The following PPP1R8 variants were observed in gnomAD, a reference collection of about 807,000 sequenced individuals.
The protein encoded by PPP1R8 is nuclear inhibitor of protein phosphatase 1.
Under a neutral mutation model 31.3 loss-of-function variants are expected in PPP1R8, and 4 were observed. The observed-to-expected ratio is 0.13, with a 90% CI of 0.06 to 0.29. The LOEUF (loss-of-function observed/expected upper bound fraction) is 0.29. Among genes scored for constraint, PPP1R8 ranks in the 10% least tolerant of loss-of-function variants. The pLI, the probability that PPP1R8 is intolerant of heterozygous loss-of-function variation, is 1.00. For synonymous variants in PPP1R8, 170 were observed against 169.7 expected, an observed-to-expected ratio of 1.00 and a Z score of -0.01; for missense variants, 254 against 440.1, an observed-to-expected ratio of 0.58 and a Z score of 3.78.
intron 4 of PPP1R8, among the ~76,000 whole-genome samples, chr1:27,842,361 G>A (rs10399874): frequency 0.086 from 12,598 of 146,340 alleles, 1,815 homozygotes; most frequent in African/African-American, 0.3. Context: ...AAAAAAAAAA[G>A]AGAAATTTTA....
At chr1:27,846,316 C>G (rs1392314883) in intron 5 of PPP1R8, among the ~76,000 whole-genome samples, 1 of 152,256 alleles carries the variant, frequency 6.6e-6, no homozygotes, top group Non-Finnish European at 1.5e-5. Context: ...CCCCTCTGTG[C>G]TCCAGAAACA....
chr1:27,832,482 C>T (rs2089120145), intron 1 of PPP1R8, among the ~76,000 whole-genome samples: 1 of 152,194 alleles, frequency 6.6e-6, no homozygotes, highest in Admixed American at 6.5e-5. Flanking sequence ...GCAGTTCTTT[C>T]TCTGAGGTGA....
intron 2 of PPP1R8, among the ~76,000 whole-genome samples, chr1:27,835,110 C>A (rs1434558712): frequency 1.3e-5 from 2 of 150,366 alleles, no homozygotes; most frequent in Non-Finnish European, 3.0e-5. Flanking sequence ...CTTTTTTTTT[C>A]CTCTCAAAGA....
At chr1:27,850,037 C>A in intron 6 of PPP1R8, 56 bp from the exon 7 acceptor site, 1 of 1,469,230 alleles carries the variant, frequency 6.8e-7, no homozygotes, top group Middle Eastern at 2.0e-4. Context: ...CACTCTTGGG[C>A]CTCACCTCTT....
chr1:27,848,390 G>A (rs1265934690), intron 6 of PPP1R8, among the ~76,000 whole-genome samples: 1 of 152,080 alleles, frequency 6.6e-6, no homozygotes, highest in African/African-American at 2.4e-5. Context: ...GGTCGTCAGC[G>A]AGACTCCATC....
chr1:27,839,441 C>G (rs2089201933), intron 3 of PPP1R8, among the ~76,000 whole-genome samples: 1 of 151,946 alleles, frequency 6.6e-6, no homozygotes, highest in African/African-American at 2.4e-5. Flanking sequence ...GGCAGGAGAA[C>G]CGCTTGAACC....
chr1:27,831,006 TG>T, intron 1 of PPP1R8, 115 bp downstream of exon 1: 1 of 1,428,680 alleles, frequency 7.0e-7, no homozygotes, highest in East Asian at 2.7e-5. Context: ...AACCCCGGAA[TG>T]GTTGAGGAAA....
At chr1:27,842,352 A>AG (rs1261178376) in intron 4 of PPP1R8, among the ~76,000 whole-genome samples, 1 of 151,982 alleles carries the variant, frequency 6.6e-6, no homozygotes. Flanking sequence ...CAAAAAAAAA[A>AG]AAAAAAAAGA....
chr1:27,834,268 T>G (rs1351028795), intron 2 of PPP1R8: 1 of 358,946 alleles, frequency 2.8e-6, no homozygotes, highest in African/African-American at 2.1e-5. Flanking sequence ...GTCTATTAGC[T>G]GATAACGTTC....
intron 6 of PPP1R8, 123 bp from the exon 7 acceptor site, chr1:27,849,970 A>G: frequency 3.5e-6 from 3 of 847,378 alleles, no homozygotes; most frequent in Non-Finnish European, 5.6e-6. Flanking sequence ...AACAGGCTAG[A>G]AGTTAGGAAT....
At position 27,841,120 on chromosome 1, in the gene PPP1R8, G is replaced by T. The variant is rs2148617425; in HGVS notation, c.378G>T (p.Leu126=). 1.2e-6 allele frequency: 2 copies of T among 1,614,190 alleles called. No homozygotes were observed. The change falls in exon 4 of 7, where the codon CTG becomes CTT. Residue 126 remains leucine (L), a synonymous_variant. Coordinates refer to ENST00000311772, the MANE Select transcript of PPP1R8 (RefSeq NM_014110.5). ...SFGASTRAYT[L]REKPQTLPSA... ...GCGCATCCACAAGGGCATACACTCT[G>T]CGCGAGAAGCCTCAGACATTGCCAT... is the stretch of plus-strand genomic sequence containing the variant.
chr1:27,839,527 C>CA (rs1465154315), intron 3 of PPP1R8, among the ~76,000 whole-genome samples: 1 of 151,806 alleles, frequency 6.6e-6, no homozygotes, highest in Non-Finnish European at 1.5e-5. Context: ...GATTCTGTCT[C>CA]AAAAAAATAA....
intron 6 of PPP1R8, among the ~76,000 whole-genome samples, chr1:27,847,702 G>A (rs1008053579): frequency 6.6e-5 from 10 of 152,020 alleles, no homozygotes; most frequent in Non-Finnish European, 1.2e-4. Flanking sequence ...CTGCACTCCA[G>A]CCTGGTGACA....
rs1267835902 is a variant in PPP1R8, at chr1:27,841,191, T to C, written c.449T>C (p.Leu150Pro). The C allele has an allele frequency of 6.2e-7, 1 of 1,614,116 alleles. No individual in the cohort carries two copies. Among genetic ancestry groups the C allele is most frequent in the Admixed American group, 1.7e-5 (1 of 60,006 alleles). Residue 150 changes from leucine (L) to proline (P), a missense_variant, in exon 4 of 7, where the codon CTC (leucine) becomes CCC (proline). Leu to Pro is a moderately conservative substitution (Grantham distance 98, BLOSUM62 -3). Around this residue, in one of 6 missense-constraint regions of PPP1R8, gnomAD observed 27 missense variants for 26.7 expected, o/e 1.01. Transcript: ENST00000311772. ...AAGATGGGTGGAGAGGATGATGAACTCAAGGGCTTACTGGGGCTTCCAGAG... is the reference window on the plus strand; with the variant it reads ...AAGATGGGTGGAGAGGATGATGAACCCAAGGGCTTACTGGGGCTTCCAGAG... ...DEKMGGEDDE[L>P]KGLLGLPEEE... is the part of the protein sequence containing the mutation.
chr1:27,842,441 C>T (rs1466917577), intron 4 of PPP1R8, among the ~76,000 whole-genome samples: 1 of 152,102 alleles, frequency 6.6e-6, no homozygotes, highest in African/African-American at 2.4e-5. Context: ...CCCATTTCCC[C>T]TTTAGGCCAC....
At position 27,839,516 on chromosome 1, in the gene PPP1R8, A is replaced by G. The variant is rs922363507; in HGVS notation, c.271+664A>G. Reference sequence around the variant, plus strand: ...GCACTCTAGCCTGGGCAACACAGCAAGATTCTGTCTCAAAAAAATAAAGAA... The same window carrying G: ...GCACTCTAGCCTGGGCAACACAGCAGGATTCTGTCTCAAAAAAATAAAGAA... On this transcript the variant is annotated intron_variant, in intron 3 of 6. Transcript: ENST00000311772. Among the ~76,000 whole-genome samples the G allele has an allele frequency of 2.8e-4, 43 of 152,168 alleles. 1 individual carries two copies. Among genetic ancestry groups the G allele is most frequent in the African/African-American group, 9.9e-4 (41 of 41,426 alleles).
rs530733539 is a variant in PPP1R8 at position 27,830,899 on chromosome 1, G to A, written c.56+8G>A. 104 of 1,564,158 alleles carry A rather than the reference G, an allele frequency of 6.6e-5. No individual in the cohort carries two copies. In the East Asian group the frequency reaches 2.4e-3, roughly 36 times the overall value. ...GTTCGACTGCCCAACCTGGTGAGTG[G>A]CGGGGCGGCCAGGGCTAGAGTGGCC... On this transcript the variant is annotated splice_region_variant and intron_variant, in intron 1 of 6. Coordinates refer to ENST00000311772, the MANE Select transcript of PPP1R8 (RefSeq NM_014110.5).
intron 3 of PPP1R8, among the ~76,000 whole-genome samples, chr1:27,839,823 C>T (rs914928008): frequency 2.6e-5 from 4 of 152,084 alleles, no homozygotes; most frequent in Non-Finnish European, 5.9e-5. Context: ...CTTTGGGAGG[C>T]CGATGTCAGT....
intron 5 of PPP1R8, 119 bp downstream of exon 5, chr1:27,843,449 G>A (rs912994841): frequency 1.6e-5 from 20 of 1,262,846 alleles, no homozygotes; most frequent in Non-Finnish European, 2.3e-5. Flanking sequence ...TTAAGGTCAA[G>A]AGTTCAAGAC....
Sources: gnomAD v4.1 joint callset for allele counts (sites outside exome capture counted in the v4.1 genomes callset) on GRCh38, gnomAD v4.1.1 for gene constraint, gnomAD v4.1.1 regional missense constraint, MANE v1.5 for transcripts, NCBI Gene and HGNC (gene_info 2026-07-23, HGNC 2026-07-21) for gene names.